Variants in PBX3 observed in about 807,000 individuals in gnomAD.
PBX3 encodes the protein PBX homeobox 3.
PBX3 carries 14 observed loss-of-function variants against 48.5 expected under a neutral mutation model. The ratio of observed to expected loss-of-function variants is 0.29; its 90% CI spans 0.19 to 0.45. The LOEUF (loss-of-function observed/expected upper bound fraction) is 0.45, where lower values mean the gene tolerates loss of function less well. Ranked by LOEUF, PBX3 falls within the 20% of genes least tolerant of loss-of-function variation. The pLI is 1.00. For missense variants in PBX3, 386 were observed against 546.7 expected, an observed-to-expected ratio of 0.71 and a Z score of 2.93; for synonymous variants, 210 against 200.3, an observed-to-expected ratio of 1.05 and a Z score of -0.41.
At chr9:125,752,285 C>T (rs1836396515) in intron 2 of PBX3, among the ~76,000 whole-genome samples, 1 of 152,114 alleles carries the variant, frequency 6.6e-6, no homozygotes, top group African/African-American at 2.4e-5. Flanking sequence ...ATGAACTTCT[C>T]TACTGCAGGA....
intron 2 of PBX3, among the ~76,000 whole-genome samples, chr9:125,915,161 G>A (rs1433626139): frequency 6.6e-6 from 1 of 152,168 alleles, no homozygotes; most frequent in East Asian, 1.9e-4. Flanking sequence ...ATCACACGAT[G>A]GAAAAGCTCA....
At chr9:125,890,152 A>G (rs1840607432) in intron 2 of PBX3, among the ~76,000 whole-genome samples, 1 of 152,166 alleles carries the variant, frequency 6.6e-6, no homozygotes, top group Admixed American at 6.5e-5. Context: ...CTTGATTTCA[A>G]ACATCTGGGC....
chr9:125,938,742 A>G lies in PBX3; in HGVS notation c.843+3135A>G, dbSNP rs370536291. On this transcript the variant is annotated intron_variant, in intron 5 of 8. Transcript: ENST00000373489. Reference sequence around the variant, plus strand: ...TAAAAGAAGCTAAAGAGATAGGACAAGTAATTGCAATACTTTACCCTAGAC... The same window carrying G: ...TAAAAGAAGCTAAAGAGATAGGACAGGTAATTGCAATACTTTACCCTAGAC... Among the ~76,000 whole-genome samples, 15 of 152,342 alleles carry G rather than the reference A, an allele frequency of 9.8e-5. No individual in the cohort carries two copies. The South Asian group carries it at 2.9e-3, about 29-fold the overall frequency.
intron 2 of PBX3, among the ~76,000 whole-genome samples, chr9:125,810,993 T>G (rs1035215137): frequency 1.3e-5 from 2 of 152,202 alleles, no homozygotes; most frequent in Non-Finnish European, 1.5e-5. Flanking sequence ...CTGGGGATCC[T>G]GTAAGCTCCC....
intron 2 of PBX3, among the ~76,000 whole-genome samples, chr9:125,881,710 T>C (rs548881706): frequency 6.6e-6 from 1 of 152,202 alleles, no homozygotes; most frequent in South Asian, 2.1e-4. Context: ...ATCTTGGAAC[T>C]CCAGGCCTCA....
chr9:125,837,133 A>G (rs1839160602), intron 2 of PBX3, among the ~76,000 whole-genome samples: 1 of 152,158 alleles, frequency 6.6e-6, no homozygotes, highest in Admixed American at 6.5e-5. Context: ...TAAATGTTTA[A>G]CAGTAGAGGG....
At chr9:125,780,411 G>A (rs1188327765) in intron 2 of PBX3, among the ~76,000 whole-genome samples, 1 of 74,580 alleles carries the variant, frequency 1.3e-5, no homozygotes, top group South Asian at 4.4e-4. Context: ...CCGGGCGGGG[G>A]GCTGACCCCC....
intron 2 of PBX3, among the ~76,000 whole-genome samples, chr9:125,794,891 C>T (rs1323132271): frequency 6.6e-6 from 1 of 152,136 alleles, no homozygotes; most frequent in East Asian, 1.9e-4. Context: ...GGCAACCCTT[C>T]CATTAGCCTG....
rs10623974 is a variant in PBX3 at position 125,950,482 on chromosome 9, C to CTTTT, written c.844-10191_844-10188dup. 8.4e-5 allele frequency among the ~76,000 whole-genome samples: 12 copies of CTTTT among 143,308 alleles called. 1 individual carries two copies. Among genetic ancestry groups the CTTTT allele is most frequent in the Non-Finnish European group, 7.6e-5 (5 of 65,908 alleles). 94.0% of individuals were successfully genotyped at this position (143,308 alleles called of 152,430 possible). ...GTCAGTTGTTATAAATTTGCAACTT[C>CTTTT]TTTTTTTTTTTTTTGAGACTGAGTC... On this transcript the variant is annotated intron_variant, in intron 5 of 8. Transcript: ENST00000373489.
chr9:125,814,162 CAAAA>C (rs565547086), intron 2 of PBX3, among the ~76,000 whole-genome samples: 2 of 95,448 alleles, frequency 2.1e-5, no homozygotes. Context: ...GACTCCATCT[CAAAA>C]AAAAAAAAAA....
chr9:125,831,212 A>G (rs1166791679), intron 2 of PBX3, among the ~76,000 whole-genome samples: 2 of 152,250 alleles, frequency 1.3e-5, no homozygotes, highest in Non-Finnish European at 2.9e-5. Flanking sequence ...CATGCATCAC[A>G]TCAGCCATAA....
At chr9:125,951,089 G>A (rs1363507999) in intron 5 of PBX3, among the ~76,000 whole-genome samples, 2 of 152,122 alleles carry the variant, frequency 1.3e-5, no homozygotes, top group African/African-American at 4.8e-5. Context: ...TTGGGTTTTT[G>A]TAACAGTTAA....
At chr9:125,843,458 G>A (rs1295453542) in intron 2 of PBX3, among the ~76,000 whole-genome samples, 6 of 152,002 alleles carry the variant, frequency 3.9e-5, no homozygotes, top group Non-Finnish European at 7.4e-5. Context: ...CCTATTGTCT[G>A]TATTTCCTAA....
intron 2 of PBX3, among the ~76,000 whole-genome samples, chr9:125,805,285 G>A (rs2132109236): frequency 6.6e-6 from 1 of 152,188 alleles, no homozygotes; most frequent in East Asian, 1.9e-4. Context: ...TTTGGGATTA[G>A]AGTGTAGTGT....
chr9:125,864,764 G>C (rs1471734249), intron 2 of PBX3, among the ~76,000 whole-genome samples: 1 of 152,186 alleles, frequency 6.6e-6, no homozygotes, highest in Non-Finnish European at 1.5e-5. Flanking sequence ...AGCTTTGCTT[G>C]CTTGCCCGTC....
At chr9:125,937,623 C>A (rs1359780888) in intron 5 of PBX3, among the ~76,000 whole-genome samples, 1 of 152,070 alleles carries the variant, frequency 6.6e-6, no homozygotes, top group Non-Finnish European at 1.5e-5. Flanking sequence ...AAAGTGAAAG[C>A]AAAGAATTTC....
At chr9:125,950,712 C>A (rs1842177857) in intron 5 of PBX3, among the ~76,000 whole-genome samples, 2 of 152,146 alleles carry the variant, frequency 1.3e-5, no homozygotes, top group Non-Finnish European at 2.9e-5. Flanking sequence ...AAACTCCTGA[C>A]CTCAGGTGAT....
intron 2 of PBX3, among the ~76,000 whole-genome samples, chr9:125,779,667 A>T (rs1172426190): frequency 7.4e-6 from 1 of 135,216 alleles, no homozygotes; most frequent in Non-Finnish European, 1.5e-5. Flanking sequence ...TTCTTTCTAC[A>T]CAGACACAGC....
At chr9:125,790,624 A>G (rs1485524952) in intron 2 of PBX3, among the ~76,000 whole-genome samples, 1 of 152,096 alleles carries the variant, frequency 6.6e-6, no homozygotes, top group Non-Finnish European at 1.5e-5. Context: ...GCTGGAGTGC[A>G]GTGGCACAAT....
Sources: allele counts gnomAD v4.1 joint callset (sites outside exome capture counted in the v4.1 genomes callset), GRCh38; gene constraint gnomAD v4.1.1; transcripts MANE v1.5; gene names NCBI Gene and HGNC (gene_info 2026-07-23, HGNC 2026-07-21).